The following ZNF708 variants were observed in gnomAD, a reference collection of about 807,000 sequenced individuals.
ZNF708 encodes ZNF15, ZNF15L1.
In ZNF708, 44 loss-of-function variants were observed where a neutral mutation model predicts 47.0. That is an observed-to-expected ratio of 0.94 (90% CI 0.74 to 1.20). ZNF708 has a LOEUF of 1.20. Among genes scored for constraint, ZNF708 ranks in the 50% most tolerant of loss-of-function variants. The pLI is 0.00. For synonymous variants in ZNF708, 184 were observed against 218.5 expected (o/e 0.84, Z 1.39); for missense variants, 557 against 656.0 (o/e 0.85, Z 1.65).
chr19:21,301,267 A>C (rs1389644941), intron 3 of ZNF708, among the ~76,000 whole-genome samples: 1 of 151,562 alleles, frequency 6.6e-6, no homozygotes, highest in Non-Finnish European at 1.5e-5. Flanking sequence ...ACTTGAGGTC[A>C]TGAGTTCAAG....
At chr19:21,294,935 C>CT (rs1972498935) in intron 3 of ZNF708, among the ~76,000 whole-genome samples, 196 bp from the exon 4 acceptor site, 1 of 151,902 alleles carries the variant, frequency 6.6e-6, no homozygotes, top group Non-Finnish European at 1.5e-5. Flanking sequence ...TAAGTAAAGT[C>CT]TGTGCAGTGC....
rs544312163 is a variant in ZNF708 at position 21,316,133 on chromosome 19, C to CTTTTTTTTT, written c.4-5515_4-5507dup. Among the ~76,000 whole-genome samples the CTTTTTTTTT allele has an allele frequency of 8.1e-4, 85 of 105,474 alleles. 1 individual carries two copies. The highest frequency in any genetic ancestry group is 1.1e-3 in the Non-Finnish European group (60 of 56,992). The allele number at this position is 105,474 out of a possible 152,430, so 69.2% of individuals were successfully genotyped here. ...TTTCTTTTCTTTTCTTTTCTTTTTT[C>CTTTTTTTTT]TTTTTTTTTTTTTTTTTGAGACAGG... On this transcript the variant is annotated intron_variant, in intron 1 of 3. Coordinates refer to ENST00000356929, the MANE Select transcript of ZNF708 (RefSeq NM_021269.3).
chr19:21,319,577 A>G (rs1303079584), intron 1 of ZNF708, among the ~76,000 whole-genome samples: 1 of 151,866 alleles, frequency 6.6e-6, no homozygotes, highest in Non-Finnish European at 1.5e-5. Flanking sequence ...CAACCTCCGG[A>G]GTAGCTGGGA....
At position 21,306,990 on chromosome 19, in the gene ZNF708, TAAC is replaced by T. The variant is rs1972781023; in HGVS notation, c.226+2253_226+2255del. 4 of 140,098 alleles carry T rather than the reference TAAC, an allele frequency of 2.9e-5. No homozygotes were observed. In the South Asian group the frequency reaches 8.9e-4, roughly 31 times the overall value. 8.7% of individuals were successfully genotyped at this position (140,098 alleles called of 1,614,324 possible). A position where few individuals can be genotyped will look rare whatever the true frequency, so the allele number is the denominator to read the frequency against. On this transcript the variant is annotated intron_variant, in intron 3 of 3. Coordinates refer to ENST00000356929, the MANE Select transcript of ZNF708 (RefSeq NM_021269.3). ...TAACATAACATAACATAACATAACATAACATAACATAACATAACATAAAACATA... is the reference window on the plus strand; with the variant it reads ...TAACATAACATAACATAACATAACATATAACATAACATAACATAAAACATA...
chr19:21,323,871 A>G (rs185400156), intron 1 of ZNF708, among the ~76,000 whole-genome samples: 2 of 152,334 alleles, frequency 1.3e-5, no homozygotes, highest in African/African-American at 2.4e-5. Context: ...TGCAGGCTCA[A>G]TATTAGCCTT....
chr19:21,317,141 A>T (rs558211017), intron 1 of ZNF708, among the ~76,000 whole-genome samples: 56 of 151,150 alleles, frequency 3.7e-4, no homozygotes, highest in African/African-American at 1.3e-3. Flanking sequence ...TTAGCCAGGC[A>T]TGGTGGTGAG....
In ZNF708 at chr19:21,329,351, G is replaced by C; in HGVS notation, c.-139C>G. On this transcript the variant is annotated 5_prime_UTR_variant, in exon 1 of 4. Coordinates refer to ENST00000356929, the MANE Select transcript of ZNF708 (RefSeq NM_021269.3). ...GAGACCGGAGCTCCGGCTGCAGCAAGAGACAAAGGCCGCGCCAAACCCGGA... is the reference window on the plus strand; with the variant it reads ...GAGACCGGAGCTCCGGCTGCAGCAACAGACAAAGGCCGCGCCAAACCCGGA... The C allele has an allele frequency of 7.2e-7, 1 of 1,382,258 alleles. No homozygotes were observed. Among genetic ancestry groups the C allele is most frequent in the Admixed American group, 1.8e-5 (1 of 55,984 alleles). 85.6% of individuals were successfully genotyped at this position (1,382,258 alleles called of 1,614,324 possible). A position where few individuals can be genotyped will look rare whatever the true frequency, so the allele number is the denominator to read the frequency against.
intron 1 of ZNF708, among the ~76,000 whole-genome samples, chr19:21,326,964 A>ATT (rs1438509019): frequency 2.6e-5 from 4 of 151,632 alleles, no homozygotes; most frequent in African/African-American, 9.7e-5. Context: ...TATATATTTG[A>ATT]TTATATATAT....
chr19:21,322,458 T>C (rs2145186454), intron 1 of ZNF708, among the ~76,000 whole-genome samples: 1 of 152,212 alleles, frequency 6.6e-6, no homozygotes, highest in South Asian at 2.1e-4. Context: ...CGCACCACCA[T>C]GCCCAGCTTA....
chr19:21,294,594 A>G lies in ZNF708; in HGVS notation c.372T>C (p.Gly124=). Residue 124 remains glycine (G), a synonymous_variant, in exon 4 of 4, where the codon GGT becomes GGC. Coordinates refer to ENST00000356929, the MANE Select transcript of ZNF708 (RefSeq NM_021269.3). ...TCACACACCGGTTAAGTCCCTTGTG[A>G]CCTCCTTTGTGCAACTTATGCTCAT... is the stretch of plus-strand genomic sequence containing the variant. ...SVDEHKLHKG[G]HKGLNRCVTT... 1.2e-6 allele frequency: 2 copies of G among 1,613,910 alleles called. No individual in the cohort carries two copies. The highest frequency in any genetic ancestry group is 1.7e-6 in the Non-Finnish European group (2 of 1,179,966).
At chr19:21,329,134 G>A (rs1973322759) in intron 1 of ZNF708, 76 bp downstream of exon 1, 3 of 1,596,326 alleles carry the variant, frequency 1.9e-6, no homozygotes, top group Middle Eastern at 1.7e-4. Context: ...GGGGAGTCCT[G>A]AGTCCCGCCA....
intron 2 of ZNF708, among the ~76,000 whole-genome samples, chr19:21,309,702 G>A (rs552039): frequency 0.21 from 32,264 of 151,800 alleles, 3,572 homozygotes; most frequent in Non-Finnish European, 0.24. Context: ...GCAAGACTCC[G>A]TCTCAGAAAA....
intron 1 of ZNF708, among the ~76,000 whole-genome samples, chr19:21,326,477 G>C (rs925512455): frequency 6.6e-6 from 1 of 152,158 alleles, no homozygotes; most frequent in Admixed American, 6.5e-5. Context: ...ACCAAACATG[G>C]TATGTTCTGT....
At chr19:21,312,623 G>A (rs1972921270) in intron 1 of ZNF708, among the ~76,000 whole-genome samples, 1 of 152,184 alleles carries the variant, frequency 6.6e-6, no homozygotes, top group Admixed American at 6.5e-5. Context: ...AAGCTTTAGT[G>A]AGCTTAAAAT....
chr19:21,292,668 A>G lies in ZNF708; in HGVS notation c.*606T>C, dbSNP rs1179661449. On this transcript the variant is annotated 3_prime_UTR_variant, in exon 4 of 4. Transcript: ENST00000356929. ...TTCAAAATAAATACTTTAAAAGCTT[A>G]TATTTTCTGAAATACTTTTTGACAG... 1 of 152,656 alleles carries G rather than the reference A, an allele frequency of 6.6e-6. No homozygotes were observed. The highest frequency in any genetic ancestry group is 6.5e-5 in the Admixed American group (1 of 15,316). The allele number at this position is 152,656 out of a possible 1,614,324, so 9.5% of individuals were successfully genotyped here.
rs768029666 is a variant in ZNF708 at position 21,294,733 on chromosome 19, C to A, written c.233G>T (p.Cys78Phe). The A allele has an allele frequency of 7.1e-5, 112 of 1,571,776 alleles. No homozygotes were observed. The highest frequency in any genetic ancestry group is 9.5e-5 in the Non-Finnish European group (110 of 1,163,352). The part of the protein sequence containing the change: ...HEMAAKPPAM[C>F]SHFAKDLRPE... The stretch of plus-strand genomic sequence containing the variant: ...CCTAAGGTCTTTGGCAAAATGAGAA[C>A]ACATAGCTGAAAGAAATAAAAATAA... The change falls in exon 4 of 4, where the codon TGT becomes TTT. Residue 78 changes from cysteine to phenylalanine, a missense_variant. Transcript: ENST00000356929.
In ZNF708 at chr19:21,293,687, T is replaced by C. The variant is rs560378719; in HGVS notation, c.1279A>G (p.Lys427Glu). Residue 427 changes from lysine (K) to glutamate (E), a missense_variant, in exon 4 of 4, where the codon AAA becomes GAA. Physicochemically the swap from Lys to Glu is moderately conservative, Grantham distance 56 (BLOSUM62 1). Coordinates refer to ENST00000356929, the MANE Select transcript of ZNF708 (RefSeq NM_021269.3). ...AGGATTGAGAATATACTAAAGGCTT[T>C]ACCACATTCTTCACATTTGTAGGGT... ...KKPYKCEECG[K>E]AFSIFSILTK... The C allele has an allele frequency of 1.2e-6, 2 of 1,613,106 alleles. No individual in the cohort carries two copies. Among genetic ancestry groups the C allele is most frequent in the Non-Finnish European group, 1.7e-6 (2 of 1,179,706 alleles).
At chr19:21,305,499 G>C (rs1382619437) in intron 3 of ZNF708, among the ~76,000 whole-genome samples, 1 of 151,080 alleles carries the variant, frequency 6.6e-6, no homozygotes, top group Non-Finnish European at 1.5e-5. Context: ...TGCCAGGCTG[G>C]AGTGCAGTGG....
intron 3 of ZNF708, among the ~76,000 whole-genome samples, chr19:21,298,395 G>A (rs1226901486): frequency 6.7e-6 from 1 of 148,206 alleles, no homozygotes; most frequent in Non-Finnish European, 1.5e-5. Context: ...CAAATATATA[G>A]AAATTGAACA....
Sources: allele counts gnomAD v4.1 joint callset (sites outside exome capture counted in the v4.1 genomes callset), GRCh38; gene constraint gnomAD v4.1.1; transcripts MANE v1.5; gene names NCBI Gene and HGNC (gene_info 2026-07-23, HGNC 2026-07-21).